SMARCC1: variants seen among roughly 807,000 people sequenced by gnomAD.
SMARCC1 encodes the protein SWI/SNF complex subunit SMARCC1.
A neutral mutation model predicts 147.4 loss-of-function variants in SMARCC1; 43 were observed. The ratio of observed to expected loss-of-function variants is 0.29; its 90% CI spans 0.23 to 0.38. SMARCC1 has a LOEUF of 0.38. Ranked by LOEUF, SMARCC1 falls within the 10% of genes least tolerant of loss-of-function variation. The probability of loss-of-function intolerance (pLI) is 1.00; values close to 1 mark genes in which losing one functional copy is unlikely to be tolerated. For synonymous variants in SMARCC1, 495 were observed against 484.4 expected (o/e 1.02, Z -0.29); for missense variants, 1,119 against 1,381.1 (o/e 0.81, Z 3.01).
At chr3:47,683,401 G>T (rs2033679603) in intron 14 of SMARCC1, among the ~76,000 whole-genome samples, 1 of 152,090 alleles carries the variant, frequency 6.6e-6, no homozygotes, top group African/African-American at 2.4e-5. Context: ...GCCACAGAAT[G>T]ATGTCAGACA....
intron 26 of SMARCC1, among the ~76,000 whole-genome samples, chr3:47,605,047 A>G (rs1164243315): frequency 6.6e-6 from 1 of 152,174 alleles, no homozygotes; most frequent in Non-Finnish European, 1.5e-5. Flanking sequence ...ACTTGATTTT[A>G]TATTCAAACT....
intron 13 of SMARCC1, among the ~76,000 whole-genome samples, chr3:47,688,562 G>A (rs892878873): frequency 1.7e-4 from 26 of 152,078 alleles, no homozygotes; most frequent in Admixed American, 3.3e-4. Context: ...ACAAGACGCC[G>A]TTTATTTTTA....
At chr3:47,605,937 T>C (rs1426791374) in intron 26 of SMARCC1, among the ~76,000 whole-genome samples, 3 of 152,070 alleles carry the variant, frequency 2.0e-5, no homozygotes, top group Non-Finnish European at 2.9e-5. Flanking sequence ...CCTCTGTGTG[T>C]TGGTTACACA....
intron 19 of SMARCC1, chr3:47,663,507 G>C (rs2033378978): frequency 1.4e-6 from 1 of 711,440 alleles, no homozygotes; most frequent in East Asian, 2.6e-5. Flanking sequence ...GCTACTCAGG[G>C]GGCTGAGGCG....
intron 6 of SMARCC1, among the ~76,000 whole-genome samples, chr3:47,722,783 T>C (rs2034248611): frequency 1.3e-5 from 2 of 152,158 alleles, no homozygotes; most frequent in Non-Finnish European, 2.9e-5. Flanking sequence ...CATTGAAAGA[T>C]GAATTACTTA....
At chr3:47,640,853 AAGAAT>A (rs1334191296) in intron 21 of SMARCC1, among the ~76,000 whole-genome samples, 1 of 152,194 alleles carries the variant, frequency 6.6e-6, no homozygotes, top group Non-Finnish European at 1.5e-5. Context: ...ACTAAAAAAA[AAGAAT>A]AGAGCAATAT....
chr3:47,675,824 A>G (rs1334129647), intron 17 of SMARCC1, among the ~76,000 whole-genome samples: 3 of 152,058 alleles, frequency 2.0e-5, no homozygotes, highest in African/African-American at 7.2e-5. Context: ...ACGTGCCTAT[A>G]ATCTCAGCTA....
chr3:47,627,163 C>A (rs1289374256), intron 24 of SMARCC1, among the ~76,000 whole-genome samples: 1 of 152,062 alleles, frequency 6.6e-6, no homozygotes, highest in Non-Finnish European at 1.5e-5. Flanking sequence ...AAATGTTTCT[C>A]TTTGGCTTTG....
At chr3:47,684,328 G>A (rs998762837) in intron 14 of SMARCC1, among the ~76,000 whole-genome samples, 4 of 151,582 alleles carry the variant, frequency 2.6e-5, no homozygotes, top group African/African-American at 4.8e-5. Context: ...AATCAGAGAC[G>A]ATGCTAAGGA....
chr3:47,686,419 A>G (rs1190920920), intron 13 of SMARCC1, among the ~76,000 whole-genome samples: 1 of 152,196 alleles, frequency 6.6e-6, no homozygotes, highest in Non-Finnish European at 1.5e-5. Flanking sequence ...GTCTCTCATA[A>G]TAAGATTAAC....
At chr3:47,653,819 A>T (rs1025033538) in intron 21 of SMARCC1, among the ~76,000 whole-genome samples, 1 of 152,204 alleles carries the variant, frequency 6.6e-6, no homozygotes, top group African/African-American at 2.4e-5. Context: ...TACAGAACAC[A>T]CTTGAAAGAA....
intron 21 of SMARCC1, among the ~76,000 whole-genome samples, chr3:47,654,729 G>A (rs2033237727): frequency 6.6e-6 from 1 of 152,164 alleles, no homozygotes; most frequent in African/African-American, 2.4e-5. Flanking sequence ...ACCTGAGGAG[G>A]GTCCTGAAAT....
In SMARCC1 at chr3:47,610,235, C is replaced by T; in HGVS notation, c.2874G>A (p.Met958Ile). The change falls in exon 26 of 28, where the codon ATG (methionine) becomes ATA (isoleucine). Residue 958 changes from methionine (M) to isoleucine (I), a missense_variant. Physicochemically the swap from Met to Ile is conservative, Grantham distance 10 (BLOSUM62 1). This residue lies in a region of SMARCC1 where 186 missense variants were observed against 216.5 expected (regional missense o/e 0.86). Transcript: ENST00000254480. ...KYAELRARQQ[M>I]EQQQHGQNPQ... is the part of the protein sequence containing the mutation. ...GGTTCTGGCCATGCTGCTGCTGTTC[C>T]ATTTGCTGTCGTGCTCGTAATTCAG... The T allele has an allele frequency of 3.7e-6, 6 of 1,614,186 alleles. No individual in the cohort carries two copies. The highest frequency in any genetic ancestry group is 5.1e-6 in the Non-Finnish European group (6 of 1,180,044).
chr3:47,719,710 T>C (rs2034206506), intron 7 of SMARCC1, among the ~76,000 whole-genome samples: 1 of 151,692 alleles, frequency 6.6e-6, no homozygotes, highest in Non-Finnish European at 1.5e-5. Flanking sequence ...CTCAAAAAAA[T>C]CTGATCAGTA....
In SMARCC1 at chr3:47,602,582, G is replaced by A. The variant is rs539290589; in HGVS notation, c.3043+7484C>T. ...CAAAGTGCTGGGATTACAGGCGTAA[G>A]CCATCATTTCCAGCCCATTCTAGTT... On this transcript the variant is annotated intron_variant, in intron 26 of 27. Transcript: ENST00000254480. Among the ~76,000 whole-genome samples, 9 of 152,330 alleles carry A rather than the reference G, an allele frequency of 5.9e-5. No individual in the cohort carries two copies. The South Asian group carries it at 1.9e-3, about 32-fold the overall frequency.
intron 11 of SMARCC1, among the ~76,000 whole-genome samples, chr3:47,697,034 T>C (rs2033861234): frequency 6.6e-6 from 1 of 152,068 alleles, no homozygotes; most frequent in African/African-American, 2.4e-5. Flanking sequence ...AGATTTTAAT[T>C]AGGAATTAAC....
At chr3:47,716,871 G>C (rs553030301) in intron 7 of SMARCC1, among the ~76,000 whole-genome samples, 1 of 152,202 alleles carries the variant, frequency 6.6e-6, no homozygotes, top group African/African-American at 2.4e-5. Context: ...GTCCCAGTTA[G>C]TAAGGAGGCA....
At chr3:47,723,846 G>GA (rs1280490048) in intron 6 of SMARCC1, among the ~76,000 whole-genome samples, 2 of 151,704 alleles carry the variant, frequency 1.3e-5, no homozygotes, top group African/African-American at 4.8e-5. Context: ...AAAGAAAAAC[G>GA]AAAAAAGTAC....
intron 2 of SMARCC1, among the ~76,000 whole-genome samples, chr3:47,765,439 A>G (rs2034827644): frequency 6.6e-6 from 1 of 151,996 alleles, no homozygotes; most frequent in African/African-American, 2.4e-5. Flanking sequence ...CTCACTTTCT[A>G]TATATTTTAC....
Sources: allele counts gnomAD v4.1 joint callset (sites outside exome capture counted in the v4.1 genomes callset), GRCh38; gene constraint gnomAD v4.1.1; regional missense constraint gnomAD v4.1.1; transcripts MANE v1.5; gene names NCBI Gene and HGNC (gene_info 2026-07-23, HGNC 2026-07-21).